Variants in SCHIP1 observed in about 807,000 individuals in gnomAD.
The protein encoded by SCHIP1 is schwannomin interacting protein 1.
Under a neutral mutation model 29.7 loss-of-function variants are expected in SCHIP1, and 8 were observed. The ratio of observed to expected loss-of-function variants is 0.27; its 90% CI spans 0.16 to 0.49. The LOEUF is 0.49. Ranked by LOEUF, SCHIP1 falls within the 20% of genes least tolerant of loss-of-function variation. The pLI is 0.99. For synonymous variants in SCHIP1, 76 were observed against 94.9 expected, an observed-to-expected ratio of 0.80 and a Z score of 1.16; for missense variants, 193 against 294.6, an observed-to-expected ratio of 0.66 and a Z score of 2.52.
the SCHIP1 span, among the ~76,000 whole-genome samples, chr3:159,559,227 C>T: frequency 2.6e-5 from 4 of 152,316 alleles, no homozygotes; most frequent in Non-Finnish European, 4.4e-5. Context: ...AGAAAGGCTG[C>T]TTGGGTCTCT....
chr3:159,464,207 G>A, the SCHIP1 span, among the ~76,000 whole-genome samples: 15 of 152,208 alleles, frequency 9.9e-5, no homozygotes, highest in African/African-American at 3.6e-4. Context: ...TTGTGGCCTC[G>A]TTTCCTACTC....
the SCHIP1 span, among the ~76,000 whole-genome samples, chr3:159,717,356 G>A: frequency 1.3e-5 from 2 of 152,156 alleles, no homozygotes; most frequent in Non-Finnish European, 2.9e-5. Context: ...TCAAAAGCTA[G>A]CAGAAGGCAA....
At chr3:159,534,959 G>C in the SCHIP1 span, among the ~76,000 whole-genome samples, 1 of 151,946 alleles carries the variant, frequency 6.6e-6, no homozygotes, top group Non-Finnish European at 1.5e-5. Context: ...TCTCCCTTTC[G>C]TAAGAAGTTT....
chr3:159,769,443 G>A, the SCHIP1 span, among the ~76,000 whole-genome samples: 1 of 152,200 alleles, frequency 6.6e-6, no homozygotes, highest in South Asian at 2.1e-4. Flanking sequence ...CTATTTTGAC[G>A]CTTTTCTTTA....
At chr3:159,888,666 G>GC in intron 4 of SCHIP1, 154 bp from the exon 6 acceptor site, 8 of 1,096,012 alleles carry the variant, frequency 7.3e-6, no homozygotes, top group Non-Finnish European at 1.0e-5. Flanking sequence ...TGGATGTAGG[G>GC]CCCCACATTG....
At chr3:159,575,338 CT>C in the SCHIP1 span, among the ~76,000 whole-genome samples, 1 of 152,118 alleles carries the variant, frequency 6.6e-6, no homozygotes, top group Non-Finnish European at 1.5e-5. Context: ...ATTTTCTATG[CT>C]TTTTTCCCCC....
chr3:159,842,999 TTC>T lies in SCHIP1; in HGVS notation c.30+2787_30+2788del, dbSNP rs1243533753. Among the ~76,000 whole-genome samples the T allele has an allele frequency of 5.6e-4, 53 of 93,826 alleles. 10 individuals are homozygous for T. In the South Asian group the frequency reaches 9.8e-3, roughly 17 times the overall value. 61.6% of individuals were successfully genotyped at this position (93,826 alleles called of 152,430 possible). A position where few individuals can be genotyped will look rare whatever the true frequency, so the allele number is the denominator to read the frequency against. On this transcript the variant is annotated intron_variant, in intron 1 of 6. Coordinates refer to ENST00000445224, the Ensembl canonical transcript of SCHIP1. ...TCTCCAGTTCTATCCCAATATTTCT[TTC>T]TTTTTTTTTTTTTTTTTTTTTTTTT...
At chr3:159,352,295 T>C in the SCHIP1 span, among the ~76,000 whole-genome samples, 1 of 152,214 alleles carries the variant, frequency 6.6e-6, no homozygotes, top group Non-Finnish European at 1.5e-5. Context: ...AGTGTTCTCT[T>C]GCCCCAGGCC....
the SCHIP1 span, among the ~76,000 whole-genome samples, chr3:159,625,371 T>C: frequency 2.6e-5 from 4 of 152,210 alleles, no homozygotes; most frequent in African/African-American, 9.7e-5. Flanking sequence ...CCTGTTTCTC[T>C]CTTTTGGTCT....
chr3:159,693,224 T>C, the SCHIP1 span, among the ~76,000 whole-genome samples: 2,963 of 152,112 alleles, frequency 0.019, 101 homozygotes, highest in African/African-American at 0.068. Context: ...CATTGAAAAA[T>C]AGTACAATAT....
chr3:159,582,475 GGAT>G, the SCHIP1 span, among the ~76,000 whole-genome samples: 1 of 151,976 alleles, frequency 6.6e-6, no homozygotes, highest in Non-Finnish European at 1.5e-5. Context: ...CTGAAGGCTC[GGAT>G]GATTGTTAGC....
At chr3:159,421,949 A>G in the SCHIP1 span, among the ~76,000 whole-genome samples, 5 of 152,204 alleles carry the variant, frequency 3.3e-5, no homozygotes, top group Admixed American at 3.3e-4. Flanking sequence ...GGTCGGGGAA[A>G]GAAAGTAAGT....
chr3:159,441,006 G>T, the SCHIP1 span, among the ~76,000 whole-genome samples: 1,962 of 152,234 alleles, frequency 0.013, 32 homozygotes, highest in Non-Finnish European at 0.015. Context: ...TATAATCATC[G>T]CAGTGATAGA....
At chr3:159,558,251 A>G in the SCHIP1 span, among the ~76,000 whole-genome samples, 1 of 152,232 alleles carries the variant, frequency 6.6e-6, no homozygotes, top group African/African-American at 2.4e-5. Flanking sequence ...AGTATGCATC[A>G]GGAACTTTGG....
chr3:159,586,433 C>T, the SCHIP1 span, among the ~76,000 whole-genome samples: 29 of 152,260 alleles, frequency 1.9e-4, no homozygotes, highest in South Asian at 1.7e-3. Flanking sequence ...TGAAAGAATG[C>T]AGAAAGAATG....
At chr3:159,552,032 CTTTTTTTT>C in the SCHIP1 span, among the ~76,000 whole-genome samples, 1 of 103,554 alleles carries the variant, frequency 9.7e-6, no homozygotes, top group East Asian at 3.1e-4. Flanking sequence ...TGCCACATTG[CTTTTTTTT>C]TTTTTTTTTT....
At chr3:159,887,820 T>C (rs544288606) in exon 4 of SCHIP1, 1 of 1,614,000 alleles carries the variant, frequency 6.2e-7, no homozygotes, top group South Asian at 1.1e-5. Context: ...GAAGCCAAAA[T>C]GGCCCTTGCC....
At chr3:159,518,939 T>C in the SCHIP1 span, among the ~76,000 whole-genome samples, 2 of 152,178 alleles carry the variant, frequency 1.3e-5, no homozygotes, top group Non-Finnish European at 2.9e-5. Flanking sequence ...GTAGAAAATT[T>C]ACACGTCAAA....
the SCHIP1 span, among the ~76,000 whole-genome samples, chr3:159,332,040 C>T: frequency 3.9e-5 from 6 of 152,204 alleles, no homozygotes; most frequent in Admixed American, 2.0e-4. Flanking sequence ...CTCACCTTCC[C>T]CATCCCAAGC....
Sources: gnomAD v4.1 joint callset for allele counts (sites outside exome capture counted in the v4.1 genomes callset) on GRCh38, gnomAD v4.1.1 for gene constraint, MANE v1.5 for transcripts, NCBI Gene and HGNC (gene_info 2026-07-23, HGNC 2026-07-21) for gene names.